The following ZFHX3 variants were observed in gnomAD, a reference collection of about 807,000 sequenced individuals.
The protein encoded by ZFHX3 is zinc finger homeobox 3.
Under a neutral mutation model 279.1 loss-of-function variants are expected in ZFHX3, and 42 were observed. That is an observed-to-expected ratio of 0.15 (90% CI 0.12 to 0.19). The LOEUF (loss-of-function observed/expected upper bound fraction) is 0.19. Among genes scored for constraint, ZFHX3 ranks in the 10% least tolerant of loss-of-function variants. ZFHX3 has a pLI of 1.00. For missense variants in ZFHX3, 4,981 were observed against 4,754.0 expected, an observed-to-expected ratio of 1.05 and a Z score of -1.40; for synonymous variants, 2,293 against 1,957.8, an observed-to-expected ratio of 1.17 and a Z score of -4.52.
chr16:73,605,609 G>A (rs80060398), intron 2 of ZFHX3, among the ~76,000 whole-genome samples: 4,801 of 151,558 alleles, frequency 0.032, 254 homozygotes, highest in African/African-American at 0.11. Context: ...AAAAGCAAGC[G>A]GATATCTGCT....
chr16:73,452,358 T>G (rs1256437893), intron 3 of ZFHX3, among the ~76,000 whole-genome samples: 3 of 152,192 alleles, frequency 2.0e-5, no homozygotes, highest in Non-Finnish European at 4.4e-5. Context: ...AAACACATCT[T>G]TCATCAACGT....
intron 2 of ZFHX3, among the ~76,000 whole-genome samples, chr16:73,605,397 T>G (rs2052167197): frequency 6.6e-6 from 1 of 152,228 alleles, no homozygotes; most frequent in South Asian, 2.1e-4. Flanking sequence ...AAACACATTT[T>G]ACGCTGGAAA....
rs533482415 is a variant in ZFHX3, at chr16:73,665,403, G to A, written c.-1547+14777C>T. 3.0e-4 allele frequency among the ~76,000 whole-genome samples: 45 copies of A among 151,766 alleles called. 1 individual carries two copies. The South Asian group carries it at 8.3e-3, about 28-fold the overall frequency. The stretch of plus-strand genomic sequence containing the variant: ...TAATTTTTGTATTTTTAGTAGAGAC[G>A]GGGTTCCACCATGTTGGCCAGGCTG... On this transcript the variant is annotated intron_variant, in intron 2 of 17. Transcript: ENST00000641206.
At position 73,100,223 on chromosome 16, in the gene ZFHX3, A is replaced by G. The variant is rs563236659; in HGVS notation, c.-896-6625T>C. Among the ~76,000 whole-genome samples, 4 of 152,266 alleles carry G rather than the reference A, an allele frequency of 2.6e-5. No individual in the cohort carries two copies. The South Asian group carries it at 8.3e-4, about 32-fold the overall frequency. On this transcript the variant is annotated intron_variant, in intron 7 of 17. Coordinates refer to the ZFHX3 transcript ENST00000641206. ...ATTTCTGAGAGTTGAGCTAGTGAGCAGAGAAGGAATAGACAGTGCAGAGAA... is the reference window on the plus strand; with the variant it reads ...ATTTCTGAGAGTTGAGCTAGTGAGCGGAGAAGGAATAGACAGTGCAGAGAA...
chr16:73,210,442 A>G (rs1257383386), intron 5 of ZFHX3, among the ~76,000 whole-genome samples: 2 of 152,164 alleles, frequency 1.3e-5, no homozygotes, highest in Non-Finnish European at 2.9e-5. Flanking sequence ...AATCCATTAA[A>G]TTTTTTGATT....
intron 2 of ZFHX3, among the ~76,000 whole-genome samples, chr16:73,496,357 C>T (rs2019142026): frequency 6.6e-6 from 1 of 152,098 alleles, no homozygotes; most frequent in Admixed American, 6.5e-5. Context: ...ATGGTGAAAC[C>T]CCATCTCTAC....
At chr16:73,210,604 T>C (rs928409623) in intron 5 of ZFHX3, among the ~76,000 whole-genome samples, 4 of 152,222 alleles carry the variant, frequency 2.6e-5, no homozygotes, top group Admixed American at 1.3e-4. Context: ...AAACAAGGTA[T>C]TGATTTATAA....
chr16:73,274,297 T>C (rs2014234891), intron 4 of ZFHX3, among the ~76,000 whole-genome samples: 1 of 152,252 alleles, frequency 6.6e-6, no homozygotes, highest in Non-Finnish European at 1.5e-5. Context: ...ACTTTTGATA[T>C]GACATCTATG....
At chr16:73,260,904 G>C (rs536005661) in intron 4 of ZFHX3, among the ~76,000 whole-genome samples, 2 of 151,894 alleles carry the variant, frequency 1.3e-5, no homozygotes, top group Non-Finnish European at 2.9e-5. Flanking sequence ...GGCTGGTCTC[G>C]AACTCCTGAC....
chr16:73,215,254 C>T (rs1159874334), intron 5 of ZFHX3, among the ~76,000 whole-genome samples: 1 of 152,196 alleles, frequency 6.6e-6, no homozygotes, highest in Admixed American at 6.5e-5. Flanking sequence ...AACCACAGGC[C>T]TACTTCCATG....
chr16:73,797,219 C>CA (rs779888923), intron 1 of ZFHX3, among the ~76,000 whole-genome samples: 14 of 142,142 alleles, frequency 9.8e-5, no homozygotes, highest in African/African-American at 2.7e-4. Context: ...AACAAACAAA[C>CA]AACAACAACA....
intron 2 of ZFHX3, among the ~76,000 whole-genome samples, chr16:73,639,225 T>C (rs558697928): frequency 6.6e-6 from 1 of 152,178 alleles, no homozygotes; most frequent in African/African-American, 2.4e-5. Context: ...ACAGCAGCAT[T>C]TGCTGCTGTG....
chr16:72,903,482 A>T (rs1027137199), intron 3 of ZFHX3, among the ~76,000 whole-genome samples: 2 of 152,142 alleles, frequency 1.3e-5, no homozygotes, highest in African/African-American at 4.8e-5. Context: ...ACCTCCTCAT[A>T]TGTTACATGG....
chr16:73,248,641 A>ATGTGTGTGTG (rs1346342752), intron 5 of ZFHX3, among the ~76,000 whole-genome samples: 6 of 110,242 alleles, frequency 5.4e-5, no homozygotes, highest in African/African-American at 2.2e-4. Flanking sequence ...TATGTGGAGA[A>ATGTGTGTGTG]TGTATGTGTG....
chr16:73,352,323 G>A (rs763794105), intron 3 of ZFHX3, among the ~76,000 whole-genome samples: 31 of 152,024 alleles, frequency 2.0e-4, no homozygotes, highest in African/African-American at 7.0e-4. Context: ...CAAATAGCTC[G>A]GTAAGCATGG....
intron 3 of ZFHX3, among the ~76,000 whole-genome samples, chr16:73,422,606 C>T (rs2017738517): frequency 2.0e-5 from 3 of 152,212 alleles, no homozygotes; most frequent in Admixed American, 1.3e-4. Flanking sequence ...GACTTCTTAG[C>T]ACCCAGACTT....
chr16:73,397,955 C>T, intron 3 of ZFHX3, among the ~76,000 whole-genome samples: 1 of 152,158 alleles, frequency 6.6e-6, no homozygotes, highest in East Asian at 1.9e-4. Context: ...AGTGATCCTT[C>T]TGCCTCAGCC....
intron 1 of ZFHX3, among the ~76,000 whole-genome samples, chr16:73,044,326 CAGCCTT>C: frequency 6.6e-6 from 1 of 152,238 alleles, no homozygotes; most frequent in Non-Finnish European, 1.5e-5. Flanking sequence ...TTAATTGCAC[CAGCCTT>C]AGGAACCAGA....
intron 4 of ZFHX3, among the ~76,000 whole-genome samples, chr16:73,285,748 C>G (rs1233830110): frequency 6.6e-6 from 1 of 152,136 alleles, no homozygotes; most frequent in African/African-American, 2.4e-5. Context: ...CTCTGAGAGT[C>G]TAGGATACAG....
Sources: allele counts gnomAD v4.1 joint callset (sites outside exome capture counted in the v4.1 genomes callset), GRCh38; gene constraint gnomAD v4.1.1; transcripts MANE v1.5; gene names NCBI Gene and HGNC (gene_info 2026-07-23, HGNC 2026-07-21).